Variants in PXK observed in about 807,000 individuals in gnomAD.
The protein encoded by PXK is PX domain-containing protein kinase-like protein.
Under a neutral mutation model 84.7 loss-of-function variants are expected in PXK, and 35 were observed. That is an observed-to-expected ratio of 0.41 (90% CI 0.32 to 0.55). The LOEUF (loss-of-function observed/expected upper bound fraction) is 0.55, where lower values mean the gene tolerates loss of function less well. Ranked by LOEUF, PXK falls within the 20% of genes least tolerant of loss-of-function variation. The probability of loss-of-function intolerance (pLI) is 0.21; values close to 1 mark genes in which losing one functional copy is unlikely to be tolerated. For missense variants in PXK, 634 were observed against 699.7 expected (o/e 0.91, Z 1.06); for synonymous variants, 253 against 260.8 (o/e 0.97, Z 0.29).
Position 58,397,671 on chromosome 3 carries a change from C to T in PXK, c.1051C>T (p.Pro351Ser), listed in dbSNP as rs1011371647. The T allele has an allele frequency of 1.9e-6, 3 of 1,614,092 alleles. No individual in the cohort carries two copies. The highest frequency in any genetic ancestry group is 3.3e-4 in the Middle Eastern group (2 of 6,062). ...GTATGAAATGACTTATGGACGACCG[C>T]CAGACTCGGTGCCTGTGGACTCCTT... Reference protein sequence around the residue: ...LLYEMTYGRPPDSVPVDSFPP... With the variant: ...LLYEMTYGRPSDSVPVDSFPP... Residue 351 changes from proline to serine, a missense_variant, in exon 11 of 18, where the codon CCA (proline) becomes TCA (serine). Physicochemically the swap from Pro to Ser is moderately conservative, Grantham distance 74. This residue lies in a region of PXK where 273 missense variants were observed against 283.6 expected (regional missense o/e 0.96). Transcript: ENST00000356151. The surrounding 1 kb of genome is among the most constrained non-coding windows in gnomAD (Gnocchi z 4.7).
chr3:58,361,295 C>CAAAAAA (rs149879171), intron 1 of PXK, among the ~76,000 whole-genome samples: 2 of 64,762 alleles, frequency 3.1e-5, no homozygotes, highest in African/African-American at 6.7e-5. Flanking sequence ...GACTCTGTCT[C>CAAAAAA]AAAAAAAAAA....
chr3:58,420,424 G>A (rs924694248), intron 17 of PXK: 2 of 1,334,302 alleles, frequency 1.5e-6, no homozygotes, highest in East Asian at 2.5e-5. Context: ...AGAATAATCA[G>A]CTTGTGATTC....
chr3:58,397,817 G>A lies in PXK; in HGVS notation c.1102+95G>A. The A allele has an allele frequency of 3.1e-6, 3 of 965,020 alleles. No individual in the cohort carries two copies. The highest frequency in any genetic ancestry group is 4.7e-6 in the Non-Finnish European group (3 of 641,152). The allele number at this position is 965,020 out of a possible 1,614,324, so 59.8% of individuals were successfully genotyped here. A position where few individuals can be genotyped will look rare whatever the true frequency, so the allele number is the denominator to read the frequency against. On this transcript the variant is annotated intron_variant, in intron 11 of 17. Coordinates refer to ENST00000356151, the MANE Select transcript of PXK (RefSeq NM_017771.5). The surrounding 1 kb of genome is among the most constrained non-coding windows in gnomAD (Gnocchi z 4.7). Reference sequence around the variant, plus strand: ...GTCCAGGAAAGACCCAGAGGAAGTTGCTGTCCTCCACAGCCAGAAATTCTT... The same window carrying A: ...GTCCAGGAAAGACCCAGAGGAAGTTACTGTCCTCCACAGCCAGAAATTCTT...
chr3:58,338,963 G>A (rs9866472), intron 1 of PXK, among the ~76,000 whole-genome samples: 12,072 of 151,708 alleles, frequency 0.08, 571 homozygotes, highest in Middle Eastern at 0.092. Context: ...GATTACAGGC[G>A]TGAGCCACTG....
intron 1 of PXK, among the ~76,000 whole-genome samples, chr3:58,354,454 T>G (rs1202364698): frequency 1.3e-5 from 2 of 151,430 alleles, no homozygotes; most frequent in Admixed American, 6.6e-5. Flanking sequence ...CCTAGTTTTT[T>G]TTTTTTTTTT....
chr3:58,353,144 C>T (rs1031961280), intron 1 of PXK, among the ~76,000 whole-genome samples: 12 of 152,004 alleles, frequency 7.9e-5, no homozygotes, highest in African/African-American at 1.4e-4. Flanking sequence ...CTACAGGCGC[C>T]CGCCACCACG....
intron 12 of PXK, among the ~76,000 whole-genome samples, chr3:58,402,082 G>A (rs1318169287): frequency 6.6e-6 from 1 of 151,946 alleles, no homozygotes; most frequent in Non-Finnish European, 1.5e-5. Context: ...AGGGGCAGGA[G>A]GCATATTCAA....
chr3:58,406,643 G>A (rs1267891203), intron 13 of PXK, among the ~76,000 whole-genome samples: 1 of 152,110 alleles, frequency 6.6e-6, no homozygotes, highest in Non-Finnish European at 1.5e-5. Context: ...ACAGTTCAGT[G>A]GTGTTAACTA....
intron 13 of PXK, among the ~76,000 whole-genome samples, chr3:58,406,218 C>T (rs148842613): frequency 0.07 from 10,599 of 152,050 alleles, 461 homozygotes; most frequent in African/African-American, 0.087. Flanking sequence ...CTCGGCCTCC[C>T]AAAGTGCTGG....
intron 7 of PXK, among the ~76,000 whole-genome samples, chr3:58,393,540 G>A (rs1486844037): frequency 1.3e-5 from 2 of 151,680 alleles, no homozygotes; most frequent in African/African-American, 4.8e-5. Flanking sequence ...AGTAAATATA[G>A]CATCATTATT....
chr3:58,418,578 C>T (rs1263240704), intron 17 of PXK, among the ~76,000 whole-genome samples: 2 of 151,616 alleles, frequency 1.3e-5, no homozygotes, highest in East Asian at 1.9e-4. Flanking sequence ...GCCACATTCC[C>T]GCTATGACCT....
chr3:58,373,712 C>T (rs1196054195), intron 3 of PXK, among the ~76,000 whole-genome samples: 3 of 152,134 alleles, frequency 2.0e-5, no homozygotes, highest in African/African-American at 7.2e-5. Flanking sequence ...TTTGTATGTT[C>T]TGTTTCCTCT....
At chr3:58,377,105 GA>G (rs1294452016) in intron 3 of PXK, among the ~76,000 whole-genome samples, 1 of 152,202 alleles carries the variant, frequency 6.6e-6, no homozygotes, top group Admixed American at 6.5e-5. Context: ...CAAATGATGT[GA>G]AATTTGATTC....
chr3:58,339,101 C>T (rs1180508289), intron 1 of PXK, among the ~76,000 whole-genome samples: 9 of 152,106 alleles, frequency 5.9e-5, no homozygotes, highest in South Asian at 2.1e-4. Flanking sequence ...TGGACGCAGT[C>T]GGAAAACCCT....
At chr3:58,342,802 C>T (rs2097761070) in intron 1 of PXK, among the ~76,000 whole-genome samples, 1 of 152,030 alleles carries the variant, frequency 6.6e-6, no homozygotes, top group African/African-American at 2.4e-5. Context: ...AATAGATGAA[C>T]TATGTCCTCT....
At chr3:58,372,817 G>T (rs985166477) in intron 3 of PXK, among the ~76,000 whole-genome samples, 5 of 152,080 alleles carry the variant, frequency 3.3e-5, no homozygotes, top group African/African-American at 1.2e-4. Context: ...AGTAGAGACG[G>T]GGTTTCACTG....
rs138360758 is a variant in PXK at position 58,399,815 on chromosome 3, G to A, written c.1181+438G>A. ...GTCTGCCCTCCAGGAAGAGGGCAAC[G>A]TGTTTCTGAGCACCCATGCTTCTGC... On this transcript the variant is annotated intron_variant, in intron 12 of 17. Transcript: ENST00000356151. This position sits in a 1 kb window ranked among gnomAD's most constrained non-coding sequence, Gnocchi z 4.3. Among the ~76,000 whole-genome samples the A allele has an allele frequency of 6.2e-4, 94 of 152,066 alleles. No individual in the cohort carries two copies. Among genetic ancestry groups the A allele is most frequent in the African/African-American group, 2.0e-3 (84 of 41,490 alleles).
rs1255989973 is a variant in PXK at position 58,414,408 on chromosome 3, T to C, written c.1528+1445T>C. 6.6e-6 allele frequency: 1 copy of C among 152,270 alleles called. No individual in the cohort carries two copies. The highest frequency in any genetic ancestry group is 1.5e-5 in the Non-Finnish European group (1 of 68,064). 9.4% of individuals were successfully genotyped at this position (152,270 alleles called of 1,614,324 possible). A position where few individuals can be genotyped will look rare whatever the true frequency, so the allele number is the denominator to read the frequency against. On this transcript the variant is annotated intron_variant, in intron 17 of 17. Coordinates refer to ENST00000356151, the MANE Select transcript of PXK (RefSeq NM_017771.5). The surrounding 1 kb of genome is among the most constrained non-coding windows in gnomAD (Gnocchi z 4.5). The stretch of plus-strand genomic sequence containing the variant: ...CTTATCTCTAAATGCCTTTGGGAAT[T>C]TACAATTTATTTGGACTTTTGGGGG...
chr3:58,336,071 A>ATATATATATATTTTT (rs1284780630), intron 1 of PXK, among the ~76,000 whole-genome samples: 2 of 51,582 alleles, frequency 3.9e-5, no homozygotes, highest in South Asian at 6.3e-4. Context: ...ATATATATAT[A>ATATATATATATTTTT]TTTTTTTTTT....
Sources: allele counts gnomAD v4.1 joint callset (sites outside exome capture counted in the v4.1 genomes callset), GRCh38; gene constraint gnomAD v4.1.1; regional missense constraint gnomAD v4.1.1; non-coding constraint Gnocchi (gnomAD v3.1); transcripts MANE v1.5; gene names NCBI Gene and HGNC (gene_info 2026-07-23, HGNC 2026-07-21).